The following TC2N variants were observed in gnomAD, a reference collection of about 807,000 sequenced individuals.
TC2N encodes tandem C2 domains, nuclear, also known as tandem C2 domains nuclear protein.
TC2N carries 51 observed loss-of-function variants against 61.9 expected under a neutral mutation model. That is an observed-to-expected ratio of 0.82 (90% CI 0.66 to 1.04). The LOEUF (loss-of-function observed/expected upper bound fraction) is 1.04, where lower values mean the gene tolerates loss of function less well. Ranked by LOEUF, TC2N falls within the 50% of genes least tolerant of loss-of-function variation. The pLI is 0.00. For missense variants in TC2N, 556 were observed against 566.7 expected, an observed-to-expected ratio of 0.98 and a Z score of 0.19; for synonymous variants, 204 against 192.6, an observed-to-expected ratio of 1.06 and a Z score of -0.49.
chr14:91,789,216 C>T (rs1885519693), intron 9 of TC2N, among the ~76,000 whole-genome samples: 2 of 152,106 alleles, frequency 1.3e-5, no homozygotes, highest in South Asian at 4.1e-4. Flanking sequence ...TGGCAATAGG[C>T]TTACCATTTC....
intron 1 of TC2N, among the ~76,000 whole-genome samples, chr14:91,863,412 T>C (rs976148606): frequency 2.0e-5 from 3 of 152,180 alleles, no homozygotes; most frequent in Non-Finnish European, 4.4e-5. Flanking sequence ...CAATGGCTTA[T>C]AAGCAAGGGT....
At chr14:91,847,939 C>A (rs2139915603) in intron 1 of TC2N, among the ~76,000 whole-genome samples, 1 of 152,264 alleles carries the variant, frequency 6.6e-6, no homozygotes, top group East Asian at 1.9e-4. Context: ...AAGTTTCATC[C>A]TAAATCTAGT....
At position 91,782,306 on chromosome 14, in the gene TC2N, G is replaced by A. The variant is rs1253922168; in HGVS notation, c.*794C>T. On this transcript the variant is annotated 3_prime_UTR_variant, in exon 12 of 12. Coordinates refer to ENST00000435962, the MANE Select transcript of TC2N (RefSeq NM_001128596.3). ...ATAAAATACTGAATTTTCTATTTAA[G>A]CTCATTTAATTCTGTGAATTAGGAT... 1 of 151,946 alleles carries A rather than the reference G, an allele frequency of 6.6e-6. No homozygotes were observed. The highest frequency in any genetic ancestry group is 6.6e-5 in the Admixed American group (1 of 15,260). 9.4% of individuals were successfully genotyped at this position (151,946 alleles called of 1,614,324 possible).
chr14:91,849,399 T>G (rs143219699), intron 1 of TC2N, among the ~76,000 whole-genome samples: 1,788 of 152,210 alleles, frequency 0.012, 14 homozygotes, highest in South Asian at 0.018. Flanking sequence ...CAATCCATAA[T>G]AAAAGACAGT....
In TC2N at chr14:91,857,422, G is replaced by A. The variant is rs186705494; in HGVS notation, c.-57+9840C>T. 1.9e-3 allele frequency among the ~76,000 whole-genome samples: 282 copies of A among 152,306 alleles called. 1 individual carries two copies. Among genetic ancestry groups the A allele is most frequent in the African/African-American group, 6.6e-3 (273 of 41,558 alleles). ...AAGTCCCAGGAACCGTTTATAAACC[G>A]AGTCGTGGCTTGGGTGAATGGCTTG... On this transcript the variant is annotated intron_variant, in intron 1 of 11. Coordinates refer to ENST00000435962, the MANE Select transcript of TC2N (RefSeq NM_001128596.3).
At chr14:91,793,556 A>C (rs1055372723) in intron 8 of TC2N, among the ~76,000 whole-genome samples, 1 of 152,176 alleles carries the variant, frequency 6.6e-6, no homozygotes, top group African/African-American at 2.4e-5. Flanking sequence ...GGTAATTCTC[A>C]TAATAGTTCA....
chr14:91,804,109 A>T (rs940285293), intron 3 of TC2N, among the ~76,000 whole-genome samples: 2 of 152,208 alleles, frequency 1.3e-5, no homozygotes, highest in Non-Finnish European at 2.9e-5. Context: ...ATTAGTCATG[A>T]GGAAAAAATA....
chr14:91,821,128 C>A (rs572453713), intron 1 of TC2N, among the ~76,000 whole-genome samples: 2 of 151,920 alleles, frequency 1.3e-5, no homozygotes, highest in African/African-American at 4.8e-5. Flanking sequence ...ACAAGCTGAT[C>A]CTAAAACTCA....
intron 1 of TC2N, among the ~76,000 whole-genome samples, chr14:91,843,595 C>T (rs1201396077): frequency 1.3e-5 from 2 of 152,202 alleles, no homozygotes; most frequent in East Asian, 1.9e-4. Context: ...AAATAACATT[C>T]GAAGCCTATC....
intron 8 of TC2N, among the ~76,000 whole-genome samples, chr14:91,792,957 T>G (rs1462717405): frequency 3.3e-5 from 5 of 152,208 alleles, no homozygotes; most frequent in African/African-American, 9.6e-5. Flanking sequence ...GTTCATAGTA[T>G]CTAACTTGTT....
chr14:91,850,603 G>A (rs112326804), intron 1 of TC2N, among the ~76,000 whole-genome samples: 470 of 152,298 alleles, frequency 3.1e-3, no homozygotes, highest in African/African-American at 0.011. Context: ...TGTGAACTGC[G>A]CACGTGAGGG....
At chr14:91,823,428 G>A (rs1361198364) in intron 1 of TC2N, among the ~76,000 whole-genome samples, 4 of 151,624 alleles carry the variant, frequency 2.6e-5, no homozygotes, top group African/African-American at 9.7e-5. Flanking sequence ...GCTGAGGCAG[G>A]AGAACCACTT....
chr14:91,826,811 T>C (rs1035073224), intron 1 of TC2N, among the ~76,000 whole-genome samples: 1 of 152,188 alleles, frequency 6.6e-6, no homozygotes, highest in Non-Finnish European at 1.5e-5. Context: ...CTTATCATTA[T>C]GGTAACTTTT....
intron 4 of TC2N, 41 bp from the exon 5 acceptor site, chr14:91,800,413 A>G (rs1190431685): frequency 8.8e-7 from 1 of 1,133,046 alleles, no homozygotes; most frequent in Non-Finnish European, 1.3e-6. Flanking sequence ...TTTAAGAAAC[A>G]CTGGAATTCT....
At chr14:91,787,485 T>G in intron 10 of TC2N, 28 bp downstream of exon 10, 2 of 1,346,372 alleles carry the variant, frequency 1.5e-6, no homozygotes, top group Non-Finnish European at 2.1e-6. Context: ...TTTCTGAAGA[T>G]TCTACTTTGA....
intron 1 of TC2N, among the ~76,000 whole-genome samples, chr14:91,852,581 G>T (rs186838677): frequency 2.0e-5 from 3 of 152,308 alleles, no homozygotes; most frequent in Admixed American, 1.3e-4. Context: ...TCACTAACTG[G>T]TTGTTTAAAG....
intron 3 of TC2N, among the ~76,000 whole-genome samples, chr14:91,811,334 G>A (rs1267963045): frequency 6.6e-6 from 1 of 152,000 alleles, no homozygotes; most frequent in Non-Finnish European, 1.5e-5. Context: ...AATTTATGTG[G>A]TGGACATACA....
intron 1 of TC2N, among the ~76,000 whole-genome samples, chr14:91,856,342 G>T (rs964390307): frequency 1.3e-5 from 2 of 152,018 alleles, no homozygotes; most frequent in South Asian, 2.1e-4. Context: ...ATACAGAAAG[G>T]GCATGGTGGT....
chr14:91,813,757 A>G lies in TC2N; in HGVS notation c.13T>C (p.Phe5Leu). The G allele has an allele frequency of 1.2e-6, 2 of 1,609,050 alleles. No individual in the cohort carries two copies. The highest frequency in any genetic ancestry group is 1.7e-6 in the Non-Finnish European group (2 of 1,176,568). The change falls in exon 2 of 12, where the codon TTT (phenylalanine) becomes CTT (leucine). Residue 5 changes from phenylalanine (F) to leucine (L), a missense_variant. Phe to Leu is a conservative substitution (Grantham distance 22, BLOSUM62 0). Transcript: ENST00000435962. MATE[F>L]IKSCCGGCFY... ...CATCCTCCACAGCAACTCTTTATAAATTCTGTTGCCATTACATTCAATTTC... is the reference window on the plus strand; with the variant it reads ...CATCCTCCACAGCAACTCTTTATAAGTTCTGTTGCCATTACATTCAATTTC...
Sources: allele counts gnomAD v4.1 joint callset (sites outside exome capture counted in the v4.1 genomes callset), GRCh38; gene constraint gnomAD v4.1.1; transcripts MANE v1.5; gene names NCBI Gene and HGNC (gene_info 2026-07-23, HGNC 2026-07-21).